Variants in SETD3 observed in about 807,000 individuals in gnomAD.
SETD3 encodes actin-histidine N-methyltransferase.
SETD3 carries 19 observed loss-of-function variants against 63.0 expected under a neutral mutation model. The observed-to-expected ratio is 0.30, with a 90% confidence interval of 0.21 to 0.44. SETD3 has a LOEUF of 0.44. SETD3 is among the 20% of genes least tolerant of loss of function. SETD3 has a pLI of 1.00. For missense variants in SETD3, 587 were observed against 728.5 expected, an observed-to-expected ratio of 0.81 and a Z score of 2.24; for synonymous variants, 286 against 264.1, an observed-to-expected ratio of 1.08 and a Z score of -0.80.
intron 4 of SETD3, among the ~76,000 whole-genome samples, chr14:99,459,415 T>C (rs1435935680): frequency 6.6e-6 from 1 of 152,222 alleles, no homozygotes; most frequent in Non-Finnish European, 1.5e-5. Flanking sequence ...AAAAACTACA[T>C]ATGCTGAGAA....
intron 9 of SETD3, among the ~76,000 whole-genome samples, chr14:99,405,638 G>A (rs1891641856): frequency 6.6e-6 from 1 of 152,052 alleles, no homozygotes; most frequent in African/African-American, 2.4e-5. Context: ...GGCCTTACTA[G>A]TACTCAAAGG....
chr14:99,460,095 A>G (rs1281707566), intron 4 of SETD3, among the ~76,000 whole-genome samples: 3 of 152,206 alleles, frequency 2.0e-5, no homozygotes, highest in Non-Finnish European at 2.9e-5. Flanking sequence ...AATGTCAACT[A>G]TTAAGTTATT....
intron 6 of SETD3, among the ~76,000 whole-genome samples, chr14:99,441,032 C>T (rs529182566): frequency 6.6e-6 from 1 of 152,346 alleles, no homozygotes; most frequent in South Asian, 2.1e-4. Context: ...CTGTCACACC[C>T]TCGACAATCC....
At chr14:99,421,204 A>G (rs1340540728) in intron 6 of SETD3, among the ~76,000 whole-genome samples, 1 of 151,974 alleles carries the variant, frequency 6.6e-6, no homozygotes, top group Non-Finnish European at 1.5e-5. Flanking sequence ...CAACTCCTCC[A>G]TCTTATTAAA....
At position 99,462,407 on chromosome 14, in the gene SETD3, C is replaced by G. The variant is rs187438372; in HGVS notation, c.197-1067G>C. The stretch of plus-strand genomic sequence containing the variant: ...AGCTCAGGCGCCTGTGGCCATCTTA[C>G]CACAGCATAATTAACAGTCAACCTG... On this transcript the variant is annotated intron_variant, in intron 3 of 12. Transcript: ENST00000331768. 2.6e-5 allele frequency among the ~76,000 whole-genome samples: 4 copies of G among 152,242 alleles called. No individual in the cohort carries two copies. In the East Asian group the frequency reaches 7.7e-4, roughly 29 times the overall value.
At chr14:99,465,007 A>T (rs527819558) in intron 2 of SETD3, among the ~76,000 whole-genome samples, 1 of 152,314 alleles carries the variant, frequency 6.6e-6, no homozygotes, top group Non-Finnish European at 1.5e-5. Context: ...GTGGTGACAC[A>T]GGCCTGTAGT....
intron 1 of SETD3, among the ~76,000 whole-genome samples, chr14:99,477,574 G>A (rs1187538714): frequency 6.6e-6 from 1 of 151,964 alleles, no homozygotes; most frequent in Non-Finnish European, 1.5e-5. Context: ...GACCAACATG[G>A]AGAAACCCTT....
intron 1 of SETD3, among the ~76,000 whole-genome samples, chr14:99,476,662 C>T (rs1895987838): frequency 6.6e-6 from 1 of 152,212 alleles, no homozygotes; most frequent in Non-Finnish European, 1.5e-5. Flanking sequence ...CTAATCTTTA[C>T]TTCCTCTCAA....
Position 99,413,927 on chromosome 14 carries a change from G to A in SETD3, c.683C>T (p.Pro228Leu). The A allele has an allele frequency of 6.2e-7, 1 of 1,614,032 alleles. No individual in the cohort carries two copies. Among genetic ancestry groups the A allele is most frequent in the Non-Finnish European group, 8.5e-7 (1 of 1,179,872 alleles). Residue 228 changes from proline to leucine, a missense_variant, in exon 7 of 13, where the codon CCT (proline) becomes CTT (leucine). Pro to Leu is a moderately conservative substitution (Grantham distance 98). Transcript: ENST00000331768. Reference sequence around the variant, plus strand: ...CTTCAAGGGTAGTTTGTTGGCATGAGGATGGGTCTGGGAATTAGAAGTTTT... The same window carrying A: ...CTTCAAGGGTAGTTTGTTGGCATGAAGATGGGTCTGGGAATTAGAAGTTTT... ...AYFYKVIQTH[P>L]HANKLPLKDS...
intron 6 of SETD3, among the ~76,000 whole-genome samples, chr14:99,432,549 T>A (rs1893241056): frequency 6.6e-6 from 1 of 152,194 alleles, no homozygotes; most frequent in South Asian, 2.1e-4. Context: ...GCTCCCATAA[T>A]TAATGTACTG....
Position 99,399,029 on chromosome 14 carries a change from C to T in SETD3, c.1435G>A (p.Val479Ile), listed in dbSNP as rs1249977341. The T allele has an allele frequency of 1.9e-6, 3 of 1,614,086 alleles. No individual in the cohort carries two copies. Reference protein sequence around the residue: ...LGEKEILEKAVKSAAVNREYY... With the variant: ...LGEKEILEKAIKSAAVNREYY... ...TCCCGGTTGACAGCTGCACTCTTTA[C>T]TGCTTTTTCCAAAATCTCTTTCTCA... The change falls in exon 13 of 13, where the codon GTA becomes ATA. Residue 479 changes from valine (V) to isoleucine (I), a missense_variant. Transcript: ENST00000331768.
intron 6 of SETD3, among the ~76,000 whole-genome samples, chr14:99,423,965 T>C (rs1020017050): frequency 6.6e-6 from 1 of 152,182 alleles, no homozygotes; most frequent in Non-Finnish European, 1.5e-5. Flanking sequence ...CTCTCTTTTT[T>C]TTTTTTCCAG....
At chr14:99,461,889 A>G (rs751642113) in intron 3 of SETD3, among the ~76,000 whole-genome samples, 4 of 152,272 alleles carry the variant, frequency 2.6e-5, no homozygotes, top group Non-Finnish European at 5.9e-5. Context: ...CAACATAAGT[A>G]TAACACTAAA....
intron 6 of SETD3, among the ~76,000 whole-genome samples, chr14:99,455,724 A>G (rs1394558073): frequency 6.6e-6 from 1 of 152,200 alleles, no homozygotes; most frequent in Admixed American, 6.5e-5. Context: ...GTATATAAAT[A>G]CAAAGCAGGG....
At chr14:99,479,830 C>A (rs1896172186) in intron 1 of SETD3, among the ~76,000 whole-genome samples, 1 of 152,188 alleles carries the variant, frequency 6.6e-6, no homozygotes, top group South Asian at 2.1e-4. Context: ...TAACACGGTC[C>A]GAGTGGTCCT....
At chr14:99,477,145 G>A (rs1896014530) in intron 1 of SETD3, among the ~76,000 whole-genome samples, 1 of 151,904 alleles carries the variant, frequency 6.6e-6, no homozygotes, top group East Asian at 1.9e-4. Context: ...AAGACTGTTT[G>A]GACTCACTAG....
At chr14:99,472,044 A>G (rs1461272591) in intron 1 of SETD3, among the ~76,000 whole-genome samples, 1 of 152,218 alleles carries the variant, frequency 6.6e-6, no homozygotes, top group African/African-American at 2.4e-5. Context: ...TAGCTCCAGC[A>G]TATAGGTGGA....
At chr14:99,479,713 G>T (rs561614479) in intron 1 of SETD3, among the ~76,000 whole-genome samples, 1 of 152,334 alleles carries the variant, frequency 6.6e-6, no homozygotes, top group Admixed American at 6.5e-5. Flanking sequence ...AGGCTACGAA[G>T]ATGGGGTAAC....
rs1566869064 is a variant in SETD3 at position 99,399,741 on chromosome 14, A to AATT, written c.1338+357_1338+358insAAT. On this transcript the variant is annotated intron_variant, in intron 12 of 12. Transcript: ENST00000331768. ...GAATTAACAAGAAATCTTTCATTAA[A>AATT]TTTTTTTTTTTTTTTTTTTTTTTTT... 1.2e-4 allele frequency among the ~76,000 whole-genome samples: 15 copies of AATT among 127,728 alleles called. 5 individuals are homozygous for AATT. The highest frequency in any genetic ancestry group is 6.5e-5 in the Non-Finnish European group (4 of 61,422). 83.8% of individuals were successfully genotyped at this position (127,728 alleles called of 152,430 possible).
Sources: allele counts gnomAD v4.1 joint callset (sites outside exome capture counted in the v4.1 genomes callset), GRCh38; gene constraint gnomAD v4.1.1; transcripts MANE v1.5; gene names NCBI Gene and HGNC (gene_info 2026-07-23, HGNC 2026-07-21).